KIAA1549L: variants seen among roughly 807,000 people sequenced by gnomAD.
The protein encoded by KIAA1549L is KIAA1549 like.
In KIAA1549L, 88 loss-of-function variants were observed where a neutral mutation model predicts 160.7. The ratio of observed to expected loss-of-function variants is 0.55; its 90% CI spans 0.46 to 0.65. The LOEUF (loss-of-function observed/expected upper bound fraction) is 0.65, where lower values mean the gene tolerates loss of function less well. Ranked by LOEUF, KIAA1549L falls within the 30% of genes least tolerant of loss-of-function variation. The pLI is 0.00. For synonymous variants in KIAA1549L, 950 were observed against 976.7 expected (o/e 0.97, Z 0.51); for missense variants, 2,258 against 2,437.5 (o/e 0.93, Z 1.55).
intron 1 of KIAA1549L, among the ~76,000 whole-genome samples, chr11:33,514,124 A>G (rs1853287456): frequency 6.6e-6 from 1 of 152,214 alleles, no homozygotes; most frequent in South Asian, 2.1e-4. Flanking sequence ...TTCCTGTTCC[A>G]GATATCTCTT....
chr11:33,404,393 A>G (rs748780952), intron 1 of KIAA1549L, among the ~76,000 whole-genome samples: 37 of 151,974 alleles, frequency 2.4e-4, no homozygotes, highest in Non-Finnish European at 3.8e-4. Context: ...GCGTGGTGGC[A>G]GGCGCCCGTA....
chr11:33,499,685 T>C (rs150398369), intron 1 of KIAA1549L, among the ~76,000 whole-genome samples: 3 of 152,226 alleles, frequency 2.0e-5, no homozygotes, highest in Admixed American at 2.0e-4. Flanking sequence ...GTCCCCTTCT[T>C]AGATCCAGCC....
intron 4 of KIAA1549L, among the ~76,000 whole-genome samples, chr11:33,550,347 A>G: frequency 8.4e-6 from 1 of 119,674 alleles, no homozygotes; most frequent in African/African-American, 3.2e-5. Flanking sequence ...AAAACAAATT[A>G]AAAAAAAACC....
At chr11:33,473,317 G>A (rs1666671464) in intron 1 of KIAA1549L, among the ~76,000 whole-genome samples, 1 of 152,150 alleles carries the variant, frequency 6.6e-6, no homozygotes, top group Non-Finnish European at 1.5e-5. Flanking sequence ...ATTAAGTACT[G>A]TAGGGTCAAA....
Position 33,482,804 on chromosome 11 carries a change from A to T in KIAA1549L, c.239-58998A>T, listed in dbSNP as rs553538829. ...AGGCTGGTTTTGAACTCCTGACTTCAAGTTATCCACCCGCCTCACCTCCTA... is the reference window on the plus strand; with the variant it reads ...AGGCTGGTTTTGAACTCCTGACTTCTAGTTATCCACCCGCCTCACCTCCTA... On this transcript the variant is annotated intron_variant, in intron 1 of 20. Coordinates refer to ENST00000658780, the MANE Select transcript of KIAA1549L (RefSeq NM_012194.3). Among the ~76,000 whole-genome samples, 5 of 152,062 alleles carry T rather than the reference A, an allele frequency of 3.3e-5. 1 individual carries two copies. The highest frequency in any genetic ancestry group is 1.2e-4 in the African/African-American group (5 of 41,498).
At chr11:33,667,700 TAAAC>T (rs1389289071) in intron 20 of KIAA1549L, among the ~76,000 whole-genome samples, 169 bp from the exon 21 acceptor site, 1 of 152,238 alleles carries the variant, frequency 6.6e-6, no homozygotes, top group Non-Finnish European at 1.5e-5. Context: ...ACCTATTTTC[TAAAC>T]AAACTGACTC....
chr11:33,602,791 G>A (rs1240617778), intron 13 of KIAA1549L, among the ~76,000 whole-genome samples: 1 of 152,176 alleles, frequency 6.6e-6, no homozygotes, highest in East Asian at 1.9e-4. Context: ...AATATTTAAT[G>A]TCTTTTAATA....
At chr11:33,510,635 A>G (rs908217001) in intron 1 of KIAA1549L, among the ~76,000 whole-genome samples, 5 of 152,260 alleles carry the variant, frequency 3.3e-5, no homozygotes, top group African/African-American at 9.6e-5. Flanking sequence ...AAGCAAAGGC[A>G]TAGTGATGCT....
chr11:33,648,696 G>A (rs1035152866), intron 17 of KIAA1549L, among the ~76,000 whole-genome samples: 2 of 151,676 alleles, frequency 1.3e-5, no homozygotes, highest in Admixed American at 6.6e-5. Flanking sequence ...TTAACTCTGT[G>A]AAGAAATTGG....
At chr11:33,442,111 A>G (rs1172062803) in intron 1 of KIAA1549L, among the ~76,000 whole-genome samples, 1 of 151,758 alleles carries the variant, frequency 6.6e-6, no homozygotes, top group African/African-American at 2.4e-5. Flanking sequence ...GGTATAAGGA[A>G]GGGATCCAGT....
chr11:33,435,822 A>G (rs61887208), intron 1 of KIAA1549L, among the ~76,000 whole-genome samples: 1,229 of 59,290 alleles, frequency 0.021, 324 homozygotes, highest in African/African-American at 0.11. Flanking sequence ...GTGTGTGTAT[A>G]TATATATATG....
intron 16 of KIAA1549L, 105 bp from the exon 17 acceptor site, chr11:33,645,581 A>C: frequency 1.2e-6 from 1 of 813,016 alleles, no homozygotes. Flanking sequence ...AAATTAGCAC[A>C]GATGCATCCT....
At chr11:33,477,793 C>T (rs1852321472) in intron 1 of KIAA1549L, among the ~76,000 whole-genome samples, 1 of 151,714 alleles carries the variant, frequency 6.6e-6, no homozygotes, top group Non-Finnish European at 1.5e-5. Context: ...GTTTCTGTCA[C>T]CCAGCACAGT....
chr11:33,395,563 G>C (rs1316502097), intron 1 of KIAA1549L, among the ~76,000 whole-genome samples: 1 of 152,084 alleles, frequency 6.6e-6, no homozygotes, highest in Non-Finnish European at 1.5e-5. Flanking sequence ...TTAGAAGGAA[G>C]GCTTTATTTT....
At chr11:33,494,368 A>G (rs1426606834) in intron 1 of KIAA1549L, among the ~76,000 whole-genome samples, 1 of 152,314 alleles carries the variant, frequency 6.6e-6, no homozygotes, top group African/African-American at 2.4e-5. Context: ...TATACCACCA[A>G]CACAGAGTGG....
intron 1 of KIAA1549L, among the ~76,000 whole-genome samples, chr11:33,384,937 GT>G (rs1212050863): frequency 8.7e-6 from 1 of 114,622 alleles, no homozygotes; most frequent in Admixed American, 8.1e-5. Flanking sequence ...CGTTTTTTTT[GT>G]TTTTTGTTTT....
At chr11:33,407,702 C>T (rs1850695609) in intron 1 of KIAA1549L, among the ~76,000 whole-genome samples, 1 of 152,180 alleles carries the variant, frequency 6.6e-6, no homozygotes, top group African/African-American at 2.4e-5. Flanking sequence ...TTCACAAGTA[C>T]AGAGAAGACT....
chr11:33,477,509 A>ACG lies in KIAA1549L; in HGVS notation c.239-64292_239-64291insGC, dbSNP rs368752419. Among the ~76,000 whole-genome samples the ACG allele has an allele frequency of 2.3e-3, 339 of 145,620 alleles. 2 individuals carry two copies. The highest frequency in any genetic ancestry group is 8.6e-3 in the African/African-American group (327 of 37,854). On this transcript the variant is annotated intron_variant, in intron 1 of 20. Coordinates refer to ENST00000658780, the MANE Select transcript of KIAA1549L (RefSeq NM_012194.3). ...GGTGGAGTGCCACGCAGGTGCACGC[A>ACG]CACACACACAAACACACACACACAC...
intron 1 of KIAA1549L, among the ~76,000 whole-genome samples, chr11:33,406,251 GGCCCCAACACACCC>G (rs1480614531): frequency 1.3e-5 from 2 of 152,146 alleles, no homozygotes; most frequent in African/African-American, 4.8e-5. Flanking sequence ...AGAATCCCAC[GGCCCCAACACACCC>G]GCTGTTTGCA....
Sources: gnomAD v4.1 joint callset for allele counts (sites outside exome capture counted in the v4.1 genomes callset) on GRCh38, gnomAD v4.1.1 for gene constraint, MANE v1.5 for transcripts, NCBI Gene and HGNC (gene_info 2026-07-23, HGNC 2026-07-21) for gene names.